Variants in LIPI observed in about 807,000 individuals in gnomAD.
LIPI encodes lipase I, also known as lipase member I.
Under a neutral mutation model 50.6 loss-of-function variants are expected in LIPI, and 59 were observed. That is an observed-to-expected ratio of 1.16 (90% CI 0.94 to 1.45). The LOEUF is 1.45. Ranked by LOEUF, LIPI falls within the 40% of genes most tolerant of loss-of-function variation. LIPI has a pLI of 0.00. For synonymous variants in LIPI, 203 were observed against 178.2 expected (o/e 1.14, Z -1.11); for missense variants, 586 against 536.3 (o/e 1.09, Z -0.92).
At chr21:14,155,423 G>T (rs965538815) in intron 7 of LIPI, among the ~76,000 whole-genome samples, 2 of 151,866 alleles carry the variant, frequency 1.3e-5, no homozygotes, top group African/African-American at 4.8e-5. Flanking sequence ...ATGATGCCTG[G>T]AAACTTTCTA....
At position 14,189,048 on chromosome 21, in the gene LIPI, T is replaced by A; in HGVS notation, c.418A>T (p.Ile140Phe). Reference sequence around the variant, plus strand: ...CCCAGACTTACCAAAAGATTTTTAATGTGCACACTCAAACTCACAGCAACT... The same window carrying A: ...CCCAGACTTACCAAAAGATTTTTAAAGTGCACACTCAAACTCACAGCAACT... ...RKVAVSLSVH[I>F]KNLLKHGASL... is the part of the protein sequence containing the mutation. The change falls in exon 2 of 10, where the codon ATT becomes TTT. Residue 140 changes from isoleucine (I) to phenylalanine (F), a missense_variant. Physicochemically the swap from Ile to Phe is conservative, Grantham distance 21. Transcript: ENST00000681601. 6.2e-7 allele frequency: 1 copy of A among 1,605,724 alleles called. No individual in the cohort carries two copies. The highest frequency in any genetic ancestry group is 8.5e-7 in the Non-Finnish European group (1 of 1,179,788).
At chr21:14,173,054 G>A (rs2018975704) in intron 4 of LIPI, among the ~76,000 whole-genome samples, 1 of 152,164 alleles carries the variant, frequency 6.6e-6, no homozygotes, top group South Asian at 2.1e-4. Context: ...GTAGTTGCAT[G>A]TTTAAGTTAT....
intron 9 of LIPI, chr21:14,144,397 T>C (rs2017825372): frequency 1.1e-5 from 4 of 374,294 alleles, no homozygotes; most frequent in African/African-American, 2.1e-5. Flanking sequence ...TGTGAAATGA[T>C]TGTGTGTATT....
chr21:14,129,465 A>G (rs1265152070), intron 9 of LIPI, among the ~76,000 whole-genome samples: 1 of 152,074 alleles, frequency 6.6e-6, no homozygotes, highest in African/African-American at 2.4e-5. Context: ...TATGTGTTGT[A>G]ATTTTCAGGA....
At chr21:14,184,913 G>A (rs1180991737) in intron 3 of LIPI, among the ~76,000 whole-genome samples, 1 of 152,160 alleles carries the variant, frequency 6.6e-6, no homozygotes, top group East Asian at 1.9e-4. Flanking sequence ...GTATGCATAA[G>A]GTTTGTAAAG....
In LIPI at chr21:14,108,941, A is replaced by G; in HGVS notation, c.*52T>C. The G allele has an allele frequency of 6.2e-7, 1 of 1,605,802 alleles. No individual in the cohort carries two copies. Among genetic ancestry groups the G allele is most frequent in the Non-Finnish European group, 8.5e-7 (1 of 1,173,596 alleles). The stretch of plus-strand genomic sequence containing the variant: ...TATAAAAGACTGATTGCATTGTTTC[A>G]TTTACAAGTCCATTAATTCACAAGC... On this transcript the variant is annotated 3_prime_UTR_variant, in exon 10 of 10. Transcript: ENST00000681601.
At chr21:14,206,072 G>C (rs1045880223) in intron 1 of LIPI, among the ~76,000 whole-genome samples, 2 of 152,074 alleles carry the variant, frequency 1.3e-5, no homozygotes, top group African/African-American at 2.4e-5. Flanking sequence ...AAGACACATG[G>C]GGAAGTTATA....
intron 9 of LIPI, among the ~76,000 whole-genome samples, chr21:14,119,393 TTCAGTA>T: frequency 6.6e-6 from 1 of 151,956 alleles, no homozygotes; most frequent in South Asian, 2.1e-4. Flanking sequence ...GGCCAAGGAG[TTCAGTA>T]TCTTGGCTTT....
At chr21:14,112,491 T>A (rs1018846097) in intron 9 of LIPI, among the ~76,000 whole-genome samples, 3 of 152,114 alleles carry the variant, frequency 2.0e-5, no homozygotes, top group Non-Finnish European at 2.9e-5. Context: ...TTTCATTTAT[T>A]TGTGTCTTCT....
chr21:14,199,373 G>C (rs1183801935), intron 1 of LIPI, among the ~76,000 whole-genome samples: 1 of 151,310 alleles, frequency 6.6e-6, no homozygotes, highest in Non-Finnish European at 1.5e-5. Flanking sequence ...AAGAAAAGGA[G>C]GAGAGTCAAA....
At chr21:14,161,516 T>TACAG (rs1164046533) in intron 7 of LIPI, among the ~76,000 whole-genome samples, 1 of 131,930 alleles carries the variant, frequency 7.6e-6, no homozygotes, top group Non-Finnish European at 1.6e-5. Flanking sequence ...TATATAGATA[T>TACAG]ATAGATATAG....
chr21:14,153,548 A>G (rs934830421), intron 7 of LIPI, among the ~76,000 whole-genome samples: 3 of 152,166 alleles, frequency 2.0e-5, no homozygotes, highest in African/African-American at 7.2e-5. Flanking sequence ...TGTACAATCC[A>G]TGTTTCAATA....
intron 7 of LIPI, among the ~76,000 whole-genome samples, chr21:14,157,097 G>C (rs926963263): frequency 6.6e-6 from 1 of 151,822 alleles, no homozygotes; most frequent in Admixed American, 6.6e-5. Flanking sequence ...TATAAGACAG[G>C]GGTTGAAAGT....
At chr21:14,204,067 C>A (rs2020155248) in intron 1 of LIPI, among the ~76,000 whole-genome samples, 1 of 151,996 alleles carries the variant, frequency 6.6e-6, no homozygotes, top group African/African-American at 2.4e-5. Context: ...GGGAGAACAA[C>A]ACACACTGGG....
chr21:14,162,457 A>G (rs1245448670), intron 7 of LIPI, among the ~76,000 whole-genome samples: 1 of 151,776 alleles, frequency 6.6e-6, no homozygotes, highest in Non-Finnish European at 1.5e-5. Context: ...CCACACACGC[A>G]GGCAAGTGTA....
intron 9 of LIPI, among the ~76,000 whole-genome samples, chr21:14,124,726 C>G (rs2123351803): frequency 6.6e-6 from 1 of 152,322 alleles, no homozygotes; most frequent in African/African-American, 2.4e-5. Context: ...GGACACTAGT[C>G]CAACTAAGCC....
At chr21:14,115,692 A>T (rs559216531) in intron 9 of LIPI, among the ~76,000 whole-genome samples, 4 of 152,098 alleles carry the variant, frequency 2.6e-5, no homozygotes, top group African/African-American at 4.8e-5. Context: ...TTCCCTTGAC[A>T]GTGCAAACGG....
chr21:14,175,051 T>C lies in LIPI; in HGVS notation c.643+6707A>G, dbSNP rs769810387. Among the ~76,000 whole-genome samples, 4 of 152,370 alleles carry C rather than the reference T, an allele frequency of 2.6e-5. No homozygotes were observed. The South Asian group carries it at 8.3e-4, about 32-fold the overall frequency. ...TTTATTGTCATATAGTATTTCATTG[T>C]ATGAACATATCACAACTTATTTTTC... On this transcript the variant is annotated intron_variant, in intron 4 of 9. Transcript: ENST00000681601.
chr21:14,130,807 C>T (rs947857804), intron 9 of LIPI, among the ~76,000 whole-genome samples: 1 of 133,742 alleles, frequency 7.5e-6, no homozygotes, highest in Non-Finnish European at 1.6e-5. Context: ...CCCCACCCAA[C>T]ACAGCCACCA....
Sources: allele counts gnomAD v4.1 joint callset (sites outside exome capture counted in the v4.1 genomes callset), GRCh38; gene constraint gnomAD v4.1.1; transcripts MANE v1.5; gene names NCBI Gene and HGNC (gene_info 2026-07-23, HGNC 2026-07-21).